Variants in LSP1 observed in about 807,000 individuals in gnomAD.
The protein encoded by LSP1 is lymphocyte specific protein 1.
Under a neutral mutation model 49.3 loss-of-function variants are expected in LSP1, and 32 were observed. The ratio of observed to expected loss-of-function variants is 0.65; its 90% CI spans 0.49 to 0.87. LSP1 has a LOEUF of 0.87. Among genes scored for constraint, LSP1 ranks in the 40% least tolerant of loss-of-function variants. The pLI is 0.00. For synonymous variants in LSP1, 179 were observed against 178.8 expected, an observed-to-expected ratio of 1.00 and a Z score of -0.01; for missense variants, 428 against 442.6, an observed-to-expected ratio of 0.97 and a Z score of 0.30.
rs1202344517 is a variant in LSP1 at position 1,884,449 on chromosome 11, G to A, written c.636-51G>A. ...GCTCTGGGAGAGGCTTGGGCAGGTT[G>A]GGAGAAGCCTTGTGGGAGACATGGG... is the stretch of plus-strand genomic sequence containing the variant. On this transcript the variant is annotated intron_variant, in intron 6 of 10. Coordinates refer to ENST00000311604, the MANE Select transcript of LSP1 (RefSeq NM_002339.3). The surrounding 1 kb of genome is among the most constrained non-coding windows in gnomAD (Gnocchi z 4.1). 3 of 1,602,298 alleles carry A rather than the reference G, an allele frequency of 1.9e-6. No homozygotes were observed. Among genetic ancestry groups the A allele is most frequent in the Non-Finnish European group, 2.6e-6 (3 of 1,169,504 alleles).
chr11:1,857,166 G>T (rs1293627947), intron 1 of LSP1, among the ~76,000 whole-genome samples: 5 of 152,188 alleles, frequency 3.3e-5, no homozygotes, highest in Admixed American at 3.3e-4. Flanking sequence ...ACACCCAGCT[G>T]GGCTGGTCGC....
intron 1 of LSP1, 42 bp downstream of exon 1, chr11:1,853,239 AC>A (rs771924920): frequency 1.3e-6 from 2 of 1,591,238 alleles, no homozygotes; most frequent in South Asian, 1.1e-5. Context: ...TGCCGTGTCC[AC>A]GGGTGCATAG....
At position 1,884,302 on chromosome 11, in the gene LSP1, T is replaced by C; in HGVS notation, c.614T>C (p.Leu205Pro). ...TTKLIDRTES[L>P]NRSIEKSNSV... ...CAGCTCATCGACAGGACCGAGTCCC[T>C]AAACCGCTCCATAGAGAAGAGGTCT... Residue 205 changes from leucine (L) to proline (P), a missense_variant, in exon 6 of 11, where the codon CTA becomes CCA. By Grantham distance (98) the Leu-to-Pro change is moderately conservative. Coordinates refer to ENST00000311604, the MANE Select transcript of LSP1 (RefSeq NM_002339.3). The surrounding 1 kb of genome is among the most constrained non-coding windows in gnomAD (Gnocchi z 4.1). The C allele has an allele frequency of 1.9e-6, 3 of 1,614,108 alleles. No individual in the cohort carries two copies. The highest frequency in any genetic ancestry group is 2.5e-6 in the Non-Finnish European group (3 of 1,180,002).
At chr11:1,854,059 G>T (rs73410935) in intron 1 of LSP1, among the ~76,000 whole-genome samples, 19,908 of 152,150 alleles carry the variant, frequency 0.13, 2,399 homozygotes, top group African/African-American at 0.32. Flanking sequence ...CCCCGGTGCA[G>T]GTCCCAGAAG....
At chr11:1,864,648 G>A (rs1160295821) in intron 1 of LSP1, among the ~76,000 whole-genome samples, 1 of 151,940 alleles carries the variant, frequency 6.6e-6, no homozygotes, top group Admixed American at 6.6e-5. Flanking sequence ...GGAGAAGGGG[G>A]CTGGGGGAAA....
In LSP1 at chr11:1,873,512, G is replaced by A. The variant is rs543304325; in HGVS notation, c.54-6575G>A. Among the ~76,000 whole-genome samples the A allele has an allele frequency of 1.8e-3, 274 of 150,010 alleles. 1 individual carries two copies. Among genetic ancestry groups the A allele is most frequent in the African/African-American group, 4.7e-3 (195 of 41,140 alleles). On this transcript the variant is annotated intron_variant, in intron 1 of 10. Coordinates refer to ENST00000311604, the MANE Select transcript of LSP1 (RefSeq NM_002339.3). ...GGCTAAGGAAAGATGGAGGGAGGGA[G>A]GGAGGGAGGGAGGAAGGAGGGGAGG...
chr11:1,853,606 G>GC (rs1847415428), intron 1 of LSP1, among the ~76,000 whole-genome samples: 1 of 152,188 alleles, frequency 6.6e-6, no homozygotes, highest in African/African-American at 2.4e-5. Context: ...GGTGGAACTG[G>GC]CCCGGGCCTG....
At chr11:1,878,204 C>T (rs1216505250) in intron 1 of LSP1, among the ~76,000 whole-genome samples, 1 of 152,070 alleles carries the variant, frequency 6.6e-6, no homozygotes, top group African/African-American at 2.4e-5. Context: ...CCATGGAACC[C>T]CTCCACCTCC....
At chr11:1,869,273 G>C (rs771985521) in intron 1 of LSP1, 3 of 236,236 alleles carry the variant, frequency 1.3e-5, no homozygotes, top group Admixed American at 5.0e-5. Flanking sequence ...ATGCTGGGAG[G>C]GGGGCAACCC....
At chr11:1,853,319 A>T in intron 1 of LSP1, 122 bp downstream of exon 1, 1 of 1,020,634 alleles carries the variant, frequency 9.8e-7, no homozygotes, top group South Asian at 1.7e-5. Flanking sequence ...CAATGGGAGA[A>T]CTTGGATGTC....
At chr11:1,890,818 C>T in intron 10 of LSP1, 1 of 574,130 alleles carries the variant, frequency 1.7e-6, no homozygotes, top group Non-Finnish European at 3.1e-6. Flanking sequence ...GCCACAGAGG[C>T]CGAGTCCCTC....
At chr11:1,869,248 C>G (rs1429085699) in intron 1 of LSP1, 1 of 228,088 alleles carries the variant, frequency 4.4e-6, no homozygotes, top group South Asian at 5.7e-5. Flanking sequence ...GATTGAGGGC[C>G]GGGCCTGGCC....
At chr11:1,874,141 G>GACAGTGGGGGCAGGCCGGA (rs1848201383) in intron 1 of LSP1, among the ~76,000 whole-genome samples, 7 of 8,080 alleles carry the variant, frequency 8.7e-4, no homozygotes, top group South Asian at 5.4e-3. Flanking sequence ...GGCAGGCCGG[G>GACAGTGGGGGCAGGCCGGA]GACAGTGGGG....
At chr11:1,869,446 G>A (rs1201991300) in intron 1 of LSP1, among the ~76,000 whole-genome samples, 1 of 152,098 alleles carries the variant, frequency 6.6e-6, no homozygotes, top group East Asian at 1.9e-4. Context: ...GAAGGAGGAG[G>A]GAGGGGGAGC....
Position 1,887,546 on chromosome 11 carries a change from G to A in LSP1, c.1003G>A (p.Gly335Arg). The change falls in exon 10 of 11, where the codon GGG becomes AGG. Residue 335 changes from glycine (G) to arginine (R), a missense_variant. By Grantham distance (125) the Gly-to-Arg change is moderately radical (BLOSUM62 -2). Transcript: ENST00000311604. ...GAAGTATGAGAAGGTGCTTGTGGAAGGGGGCCCGGCTCCCTAGGCGTCCCA... is the reference window on the plus strand; with the variant it reads ...GAAGTATGAGAAGGTGCTTGTGGAAAGGGGCCCGGCTCCCTAGGCGTCCCA... ...HGKYEKVLVE[G>R]GPAP is the part of the protein sequence containing the mutation. The A allele has an allele frequency of 6.2e-7, 1 of 1,613,896 alleles. No individual in the cohort carries two copies. The highest frequency in any genetic ancestry group is 8.5e-7 in the Non-Finnish European group (1 of 1,179,926).
intron 1 of LSP1, among the ~76,000 whole-genome samples, chr11:1,861,628 T>C (rs1326099515): frequency 6.6e-6 from 1 of 151,412 alleles, no homozygotes; most frequent in African/African-American, 2.4e-5. Flanking sequence ...GATGGATGGA[T>C]AGGTGAATAG....
chr11:1,885,663 C>T (rs1246371560), intron 7 of LSP1, among the ~76,000 whole-genome samples: 3 of 152,032 alleles, frequency 2.0e-5, no homozygotes, highest in African/African-American at 7.3e-5. Context: ...AACCAGTATC[C>T]TTCCATCCAA....
rs773472167 is a variant in LSP1 at position 1,881,474 on chromosome 11, C to T, written c.234C>T (p.Asp78=). The T allele has an allele frequency of 6.8e-5, 108 of 1,581,128 alleles. 2 individuals are homozygous for T. Among genetic ancestry groups the T allele is most frequent in the Middle Eastern group, 3.4e-4 (2 of 5,940 alleles). ...KPSEAPELDE[D]EGFGDWSQRP... ...CGGAGGCCCCTGAACTGGATGAGGA[C>T]GAGGGCTTTGGCGACTGGTCCCAGA... Residue 78 remains aspartate (D), a synonymous_variant, in exon 3 of 11, where the codon GAC becomes GAT. Coordinates refer to ENST00000311604, the MANE Select transcript of LSP1 (RefSeq NM_002339.3).
At chr11:1,890,471 C>T (rs1444385691) in intron 10 of LSP1, 5 of 717,216 alleles carry the variant, frequency 7.0e-6, no homozygotes, top group Non-Finnish European at 1.3e-5. Flanking sequence ...GGAGCTTCTG[C>T]AAACGCAAGT....
Sources: allele counts gnomAD v4.1 joint callset (sites outside exome capture counted in the v4.1 genomes callset), GRCh38; gene constraint gnomAD v4.1.1; non-coding constraint Gnocchi (gnomAD v3.1); transcripts MANE v1.5; gene names NCBI Gene and HGNC (gene_info 2026-07-23, HGNC 2026-07-21).